The following DYRK1A variants were observed in gnomAD, a reference collection of about 807,000 sequenced individuals.
DYRK1A encodes dual specificity tyrosine-phosphorylation-regulated kinase 1A.
A neutral mutation model predicts 79.7 loss-of-function variants in DYRK1A; 9 were observed. The observed-to-expected ratio is 0.11, with a 90% CI of 0.07 to 0.20. The LOEUF (loss-of-function observed/expected upper bound fraction) is 0.20. Among genes scored for constraint, DYRK1A ranks in the 10% least tolerant of loss-of-function variants. The pLI is 1.00. For synonymous variants in DYRK1A, 349 were observed against 329.7 expected (o/e 1.06, Z -0.63); for missense variants, 622 against 956.0 (o/e 0.65, Z 4.61).
rs1459547347 is a variant in DYRK1A at position 37,517,860 on chromosome 21, T to C, written c.*5329T>C. 6.6e-6 allele frequency: 1 copy of C among 152,054 alleles called. No individual in the cohort carries two copies. Among genetic ancestry groups the C allele is most frequent in the Non-Finnish European group, 1.5e-5 (1 of 68,020 alleles). The allele number at this position is 152,054 out of a possible 1,614,324, so 9.4% of individuals were successfully genotyped here. ...TCCCTCTGAAATGAAAGAAAATACC[T>C]CTAGTGGCATGAAACGGCTAAGTTT... On this transcript the variant is annotated 3_prime_UTR_variant, in exon 12 of 12. Transcript: ENST00000647188.
chr21:37,393,654 G>A (rs1189324448), intron 1 of DYRK1A, among the ~76,000 whole-genome samples: 1 of 152,230 alleles, frequency 6.6e-6, no homozygotes, highest in African/African-American at 2.4e-5. Flanking sequence ...CATATAACAT[G>A]TTGAGGTTAT....
intron 5 of DYRK1A, 87 bp downstream of exon 5, chr21:37,480,913 A>G: frequency 7.3e-6 from 8 of 1,095,526 alleles, no homozygotes; most frequent in Non-Finnish European, 1.0e-5. Flanking sequence ...TCAAGAGTGT[A>G]CTTTTAATAT....
At chr21:37,487,820 A>G (rs943214979) in intron 6 of DYRK1A, 2 of 152,184 alleles carry the variant, frequency 1.3e-5, no homozygotes, top group African/African-American at 2.4e-5. Flanking sequence ...GATATAATTC[A>G]TAATAATACC....
At chr21:37,460,373 G>A (rs1057037616) in intron 2 of DYRK1A, among the ~76,000 whole-genome samples, 2 of 152,132 alleles carry the variant, frequency 1.3e-5, no homozygotes, top group Non-Finnish European at 2.9e-5. Flanking sequence ...GGAGGCAGTA[G>A]CGAACAAAAG....
At chr21:37,415,528 G>C (rs901622316) in intron 1 of DYRK1A, 1 of 152,208 alleles carries the variant, frequency 6.6e-6, no homozygotes, top group African/African-American at 2.4e-5. Flanking sequence ...GCAGTGGCAT[G>C]ATCAGGGCTC....
At chr21:37,425,604 C>T (rs1349899850) in intron 2 of DYRK1A, 1 of 152,078 alleles carries the variant, frequency 6.6e-6, no homozygotes, top group Non-Finnish European at 1.5e-5. Context: ...TTTAGGTATA[C>T]TTATTAAGTG....
chr21:37,453,724 C>T lies in DYRK1A; in HGVS notation c.11-18960C>T, dbSNP rs180894644. 4.2e-3 allele frequency among the ~76,000 whole-genome samples: 633 copies of T among 152,282 alleles called. 4 individuals carry two copies. The Middle Eastern group carries it at 0.045, about 11-fold the overall frequency. On this transcript the variant is annotated intron_variant, in intron 2 of 11. Coordinates refer to ENST00000647188, the MANE Select transcript of DYRK1A (RefSeq NM_001347721.2). ...AAATGTATTATAACTCTTCCTTCCC[C>T]ACATTTTAGGTGCTGGTTAGTTGAG...
intron 1 of DYRK1A, among the ~76,000 whole-genome samples, chr21:37,374,710 G>A (rs1002116237): frequency 2.0e-5 from 3 of 151,976 alleles, no homozygotes; most frequent in Non-Finnish European, 2.9e-5. Context: ...CTGTCACCAC[G>A]CCTGGCTAAT....
intron 5 of DYRK1A, 21 bp downstream of exon 5, chr21:37,480,847 G>T (rs2052614154): frequency 6.4e-7 from 1 of 1,553,530 alleles, no homozygotes; most frequent in Admixed American, 2.0e-5. Flanking sequence ...GGAAAATGCT[G>T]AATTTCATTA....
intron 1 of DYRK1A, chr21:37,368,027 G>A (rs372817870): frequency 0.011 from 1,658 of 153,808 alleles, 27 homozygotes; most frequent in African/African-American, 0.038. Context: ...ACCAGTGTGG[G>A]AACCGCCGGG....
intron 1 of DYRK1A, among the ~76,000 whole-genome samples, chr21:37,411,704 A>G (rs2050248341): frequency 6.6e-6 from 1 of 152,218 alleles, no homozygotes; most frequent in Admixed American, 6.5e-5. Context: ...TTTAAGGTTT[A>G]AGTTTTAATT....
At chr21:37,503,536 C>T (rs2053512659) in intron 9 of DYRK1A, 1 of 152,174 alleles carries the variant, frequency 6.6e-6, no homozygotes. Flanking sequence ...GTTCTTCTAC[C>T]TCAGCCTCCC....
At chr21:37,403,649 ATATAT>A (rs1373672862) in intron 1 of DYRK1A, among the ~76,000 whole-genome samples, 38 of 80,562 alleles carry the variant, frequency 4.7e-4, no homozygotes, top group African/African-American at 9.9e-4. Context: ...AAAAAAAAAA[ATATAT>A]ATATATATAT....
At position 37,411,083 on chromosome 21, in the gene DYRK1A, C is replaced by T. The variant is rs183925826; in HGVS notation, c.-76-9216C>T. On this transcript the variant is annotated intron_variant, in intron 1 of 11. Coordinates refer to ENST00000647188, the MANE Select transcript of DYRK1A (RefSeq NM_001347721.2). ...AAAAAAAAAAAAAAAAAAGCCCAGG[C>T]GTGGTGGCTCACACCTGTAATCCCA... Among the ~76,000 whole-genome samples the T allele has an allele frequency of 7.0e-3, 942 of 133,640 alleles. 12 individuals are homozygous for T. Among genetic ancestry groups the T allele is most frequent in the African/African-American group, 0.025 (900 of 35,532 alleles). The allele number at this position is 133,640 out of a possible 152,430, so 87.7% of individuals were successfully genotyped here.
At position 37,515,831 on chromosome 21, in the gene DYRK1A, GAAA is replaced by G. The variant is rs71328594; in HGVS notation, c.*3309_*3311del. 7.0e-6 allele frequency: 1 copy of G among 142,142 alleles called. No homozygotes were observed. The highest frequency in any genetic ancestry group is 1.5e-5 in the Non-Finnish European group (1 of 64,774). 8.8% of individuals were successfully genotyped at this position (142,142 alleles called of 1,614,324 possible). On this transcript the variant is annotated 3_prime_UTR_variant, in exon 12 of 12. Transcript: ENST00000647188. ...TACCTAGGCACATGGATATTGGGCT[GAAA>G]AAAAAAAACCGACATTTTTATTTAA... is the stretch of plus-strand genomic sequence containing the variant.
chr21:37,423,868 A>G (rs903908572), intron 2 of DYRK1A, among the ~76,000 whole-genome samples: 1 of 152,154 alleles, frequency 6.6e-6, no homozygotes, highest in African/African-American at 2.4e-5. Context: ...CATACACTAT[A>G]TATATACTCA....
rs1174917842 is a variant in DYRK1A at position 37,517,344 on chromosome 21, G to A, written c.*4813G>A. 1.3e-5 allele frequency: 2 copies of A among 152,234 alleles called. No homozygotes were observed. Among genetic ancestry groups the A allele is most frequent in the African/African-American group, 4.8e-5 (2 of 41,448 alleles). 9.4% of individuals were successfully genotyped at this position (152,234 alleles called of 1,614,324 possible). On this transcript the variant is annotated 3_prime_UTR_variant, in exon 12 of 12. Transcript: ENST00000647188. ...TGCTGGCATGGGTGTGGTTGGCCGA[G>A]TTCTCATAGCTAGAGAAAGGCCGTG...
In DYRK1A at chr21:37,519,748, T is replaced by TTTTGTTTTGTTTTGTTTTGTTTTTTTTTG. The variant is rs1306641734; in HGVS notation, c.*7220_*7221insGTTTTGTTTTGTTTTGTTTTTTTTTGTTT. 5.5e-5 allele frequency: 7 copies of TTTTGTTTTGTTTTGTTTTGTTTTTTTTTG among 126,766 alleles called. No individual in the cohort carries two copies. Among genetic ancestry groups the TTTTGTTTTGTTTTGTTTTGTTTTTTTTTG allele is most frequent in the African/African-American group, 1.5e-4 (4 of 27,380 alleles). The allele number at this position is 126,766 out of a possible 1,614,324, so 7.9% of individuals were successfully genotyped here. ...TTTGTTGTGGGAAGTTTTTTTTTTT[T>TTTTGTTTTGTTTTGTTTTGTTTTTTTTTG]TTTTTTTTTTTGAGGCGGAGTCTCG... is the stretch of plus-strand genomic sequence containing the variant. On this transcript the variant is annotated 3_prime_UTR_variant, in exon 12 of 12. Transcript: ENST00000647188.
chr21:37,374,965 CTGAG>C (rs1011250947), intron 1 of DYRK1A: 1 of 152,200 alleles, frequency 6.6e-6, no homozygotes, highest in Non-Finnish European at 1.5e-5. Flanking sequence ...TGCAGAGAAG[CTGAG>C]TGACTAATCA....
Sources: gnomAD v4.1 joint callset for allele counts (sites outside exome capture counted in the v4.1 genomes callset) on GRCh38, gnomAD v4.1.1 for gene constraint, MANE v1.5 for transcripts, NCBI Gene and HGNC (gene_info 2026-07-23, HGNC 2026-07-21) for gene names.